FLOT1: variants seen among roughly 807,000 people sequenced by gnomAD.
The protein encoded by FLOT1 is flotillin 1.
A neutral mutation model predicts 58.4 loss-of-function variants in FLOT1; 40 were observed. The observed-to-expected ratio is 0.69, with a 90% CI of 0.53 to 0.89. The LOEUF (loss-of-function observed/expected upper bound fraction) is 0.89, where lower values mean the gene tolerates loss of function less well. Among genes scored for constraint, FLOT1 ranks in the 40% least tolerant of loss-of-function variants. The pLI, the probability that FLOT1 is intolerant of heterozygous loss-of-function variation, is 0.00. For missense variants in FLOT1, 423 were observed against 540.8 expected (o/e 0.78, Z 2.16); for synonymous variants, 178 against 204.2 (o/e 0.87, Z 1.09).
In FLOT1 at chr6:30,737,431, T is replaced by TGTATTTTTG. The variant is rs1326509592; in HGVS notation, c.723+2718_723+2726dup. Among the ~76,000 whole-genome samples the TGTATTTTTG allele has an allele frequency of 6.6e-6, 1 of 152,180 alleles. No individual in the cohort carries two copies. The highest frequency in any genetic ancestry group is 2.4e-5 in the African/African-American group (1 of 41,450). ...ACCACCACACCCGGCTAATATTTTT[T>TGTATTTTTG]GTATTTTTGGTAGAGACAGGGTTTC... On this transcript the variant is annotated intron_variant, in intron 8 of 12. Coordinates refer to ENST00000376389, the MANE Select transcript of FLOT1 (RefSeq NM_005803.4). This position sits in a 1 kb window ranked among gnomAD's most constrained non-coding sequence, Gnocchi z 4.4.
chr6:30,730,839 G>A (rs1369637894), intron 9 of FLOT1, 80 bp downstream of exon 9: 65 of 1,600,712 alleles, frequency 4.1e-5, no homozygotes, highest in Non-Finnish European at 4.3e-5. Flanking sequence ...TAGGAGTCCA[G>A]GTGGTGAAGG....
chr6:30,735,646 C>A (rs75676434), intron 8 of FLOT1, among the ~76,000 whole-genome samples: 11,202 of 151,806 alleles, frequency 0.074, 669 homozygotes, highest in African/African-American at 0.16. Flanking sequence ...TCAAAAAAAA[C>A]ATAAATAAAA....
chr6:30,740,834 GTTTTT>G (rs34375360), intron 5 of FLOT1, 36 bp from the exon 6 acceptor site: 1,696 of 1,308,644 alleles, frequency 1.3e-3, no homozygotes, highest in Middle Eastern at 2.5e-3. Context: ...AGGGATGTAA[GTTTTT>G]TTTTTTTTTT....
chr6:30,730,367 C>A (rs1462565368), intron 11 of FLOT1, 61 bp downstream of exon 11: 2 of 1,533,544 alleles, frequency 1.3e-6, no homozygotes, highest in South Asian at 1.3e-5. Context: ...CCTCACTACA[C>A]CCCACCCCTT....
At chr6:30,729,180 T>C (rs935972002) in intron 12 of FLOT1, among the ~76,000 whole-genome samples, 5 of 151,838 alleles carry the variant, frequency 3.3e-5, no homozygotes, top group African/African-American at 1.2e-4. Context: ...GTTCCAGCAA[T>C]TCTCCTGCCT....
Position 30,727,812 on chromosome 6 carries a change from A to C in FLOT1, c.*304T>G, listed in dbSNP as rs1280699064. On this transcript the variant is annotated 3_prime_UTR_variant, in exon 13 of 13. Transcript: ENST00000376389. ...CCATCCCTCAGTCTTGGTCAGGAAA[A>C]TATTCTAGACAACAGGCTCAAACAG... The C allele has an allele frequency of 7.4e-6, 4 of 538,642 alleles. No individual in the cohort carries two copies. The highest frequency in any genetic ancestry group is 1.3e-5 in the Non-Finnish European group (4 of 300,118). The allele number at this position is 538,642 out of a possible 1,614,324, so 33.4% of individuals were successfully genotyped here.
Position 30,740,201 on chromosome 6 carries a change from A to G in FLOT1, c.680T>C (p.Val227Ala). ...ELKKAAYDIE[V>A]NTRRAQADLA... Reference sequence around the variant, plus strand: ...GTCAGCCTGTGCTCGGCGGGTGTTGACCTCGATGTCATAGGCGGCCTTCTT... The same window carrying G: ...GTCAGCCTGTGCTCGGCGGGTGTTGGCCTCGATGTCATAGGCGGCCTTCTT... The change falls in exon 8 of 13, where the codon GTC (valine) becomes GCC (alanine). Residue 227 changes from valine to alanine, a missense_variant. Physicochemically the swap from Val to Ala is moderately conservative, Grantham distance 64 (BLOSUM62 0). Coordinates refer to ENST00000376389, the MANE Select transcript of FLOT1 (RefSeq NM_005803.4). 2 of 1,612,872 alleles carry G rather than the reference A, an allele frequency of 1.2e-6. No individual in the cohort carries two copies. The highest frequency in any genetic ancestry group is 1.7e-6 in the Non-Finnish European group (2 of 1,180,006).
At chr6:30,734,860 C>T (rs549192184) in intron 8 of FLOT1, among the ~76,000 whole-genome samples, 1 of 152,158 alleles carries the variant, frequency 6.6e-6, no homozygotes, top group Non-Finnish European at 1.5e-5. Context: ...GCTGGGATTA[C>T]AGTCACCATT....
At chr6:30,735,826 A>G (rs949124375) in intron 8 of FLOT1, among the ~76,000 whole-genome samples, 1 of 152,102 alleles carries the variant, frequency 6.6e-6, no homozygotes, top group Non-Finnish European at 1.5e-5. Context: ...GCCTCAGATC[A>G]TTTCATTGTT....
rs1383958947 is a variant in FLOT1, at chr6:30,737,211, TCCGTCCGTCCGTCCGTC to T, written c.723+2930_723+2946del. Among the ~76,000 whole-genome samples the T allele has an allele frequency of 7.6e-4, 58 of 76,224 alleles. No homozygotes were observed. The highest frequency in any genetic ancestry group is 6.8e-3 in the South Asian group (15 of 2,200). 50.0% of individuals were successfully genotyped at this position (76,224 alleles called of 152,430 possible). A position where few individuals can be genotyped will look rare whatever the true frequency, so the allele number is the denominator to read the frequency against. On this transcript the variant is annotated intron_variant, in intron 8 of 12. Transcript: ENST00000376389. This position sits in a 1 kb window ranked among gnomAD's most constrained non-coding sequence, Gnocchi z 4.4. ...TGACTGACTGACTGACTGTCTGTCG[TCCGTCCGTCCGTCCGTC>T]CGTCCGTCCGTCCGTCCGTCCATCC...
Position 30,730,713 on chromosome 6 carries a change from A to C in FLOT1, c.920T>G (p.Met307Arg), listed in dbSNP as rs750909604. 2.5e-6 allele frequency: 4 copies of C among 1,613,234 alleles called. No individual in the cohort carries two copies. The highest frequency in any genetic ancestry group is 3.4e-6 in the Non-Finnish European group (4 of 1,180,042). ...LAEAEKSQLIMQAEAEAASVR... is the reference protein window; with the variant it reads ...LAEAEKSQLIRQAEAEAASVR... Reference sequence around the variant, plus strand: ...AGACGCGGCTTCTGCCTCCGCCTGCATAATTAGTTGGGACCTGTGGACAGA... The same window carrying C: ...AGACGCGGCTTCTGCCTCCGCCTGCCTAATTAGTTGGGACCTGTGGACAGA... Residue 307 changes from methionine to arginine, a missense_variant, in exon 10 of 13, where the codon ATG becomes AGG. Coordinates refer to ENST00000376389, the MANE Select transcript of FLOT1 (RefSeq NM_005803.4).
chr6:30,731,704 C>T (rs769197762), intron 8 of FLOT1, among the ~76,000 whole-genome samples: 2 of 152,260 alleles, frequency 1.3e-5, no homozygotes, highest in Non-Finnish European at 1.5e-5. Context: ...ACTGTTGCTG[C>T]GATAACCTTA....
chr6:30,732,030 C>T (rs150116787), intron 8 of FLOT1, among the ~76,000 whole-genome samples: 6 of 152,230 alleles, frequency 3.9e-5, no homozygotes, highest in East Asian at 1.9e-4. Context: ...TGCAGTGGCA[C>T]GATCAGCTCA....
intron 8 of FLOT1, among the ~76,000 whole-genome samples, chr6:30,739,659 C>T (rs531123115): frequency 1.3e-5 from 2 of 151,750 alleles, no homozygotes; most frequent in East Asian, 1.9e-4. Flanking sequence ...TGAGCCACCG[C>T]GCGTGGCCTT....
In FLOT1 at chr6:30,737,218, G is replaced by GTCCA. The variant is rs1562188105; in HGVS notation, c.723+2939_723+2940insTGGA. On this transcript the variant is annotated intron_variant, in intron 8 of 12. Coordinates refer to ENST00000376389, the MANE Select transcript of FLOT1 (RefSeq NM_005803.4). This position sits in a 1 kb window ranked among gnomAD's most constrained non-coding sequence, Gnocchi z 4.4. Reference sequence around the variant, plus strand: ...CTGACTGACTGTCTGTCGTCCGTCCGTCCGTCCGTCCGTCCGTCCGTCCGT... The same window carrying GTCCA: ...CTGACTGACTGTCTGTCGTCCGTCCGTCCATCCGTCCGTCCGTCCGTCCGTCCGT... Among the ~76,000 whole-genome samples, 4 of 129,148 alleles carry GTCCA rather than the reference G, an allele frequency of 3.1e-5. No individual in the cohort carries two copies. The East Asian group carries it at 7.0e-4, about 22-fold the overall frequency. The allele number at this position is 129,148 out of a possible 152,430, so 84.7% of individuals were successfully genotyped here.
Position 30,742,324 on chromosome 6 carries a change from T to A in FLOT1, c.-14-121A>T, listed in dbSNP as rs754502485. ...GTCTGCATCCGCCACGGCCCGTCCC[T>A]TCTACACCCATGGGTCCGCTAAGGC... On this transcript the variant is annotated intron_variant, in intron 1 of 12. Coordinates refer to ENST00000376389, the MANE Select transcript of FLOT1 (RefSeq NM_005803.4). This position sits in a 1 kb window ranked among gnomAD's most constrained non-coding sequence, Gnocchi z 5.2. 1 of 804,026 alleles carries A rather than the reference T, an allele frequency of 1.2e-6. No homozygotes were observed. The highest frequency in any genetic ancestry group is 2.1e-6 in the Non-Finnish European group (1 of 466,744). 49.8% of individuals were successfully genotyped at this position (804,026 alleles called of 1,614,324 possible).
In FLOT1 at chr6:30,742,198, C is replaced by A. The variant is rs1778045096; in HGVS notation, c.-9G>T. On this transcript the variant is annotated 5_prime_UTR_variant, in exon 2 of 13. Coordinates refer to ENST00000376389, the MANE Select transcript of FLOT1 (RefSeq NM_005803.4). The surrounding 1 kb of genome is among the most constrained non-coding windows in gnomAD (Gnocchi z 5.2). ...CCACAAGTGAAAAACATGGTTCAGG[C>A]TGGAGCTGGAGGAGAGGGAGGGAAA... The A allele has an allele frequency of 6.2e-7, 1 of 1,612,918 alleles. No homozygotes were observed. Among genetic ancestry groups the A allele is most frequent in the South Asian group, 1.1e-5 (1 of 91,076 alleles).
At chr6:30,732,359 AT>A (rs1052372971) in intron 8 of FLOT1, among the ~76,000 whole-genome samples, 1 of 148,512 alleles carries the variant, frequency 6.7e-6, no homozygotes. Flanking sequence ...CAAGGAACAC[AT>A]TTTTTTTTTC....
At position 30,741,383 on chromosome 6, in the gene FLOT1, C is replaced by CA. The variant is rs768824937; in HGVS notation, c.211-51dup. 1 of 1,607,184 alleles carries CA rather than the reference C, an allele frequency of 6.2e-7. No individual in the cohort carries two copies. Among genetic ancestry groups the CA allele is most frequent in the East Asian group, 2.2e-5 (1 of 44,852 alleles). On this transcript the variant is annotated intron_variant, in intron 4 of 12. Transcript: ENST00000376389. The surrounding 1 kb of genome is among the most constrained non-coding windows in gnomAD (Gnocchi z 5.9). ...AGGTGTGGTGGGGGTCTCATGAAGT[C>CA]AGAGAAAAAGCAGAGAGAGAAGGGA...
Sources: allele counts gnomAD v4.1 joint callset (sites outside exome capture counted in the v4.1 genomes callset), GRCh38; gene constraint gnomAD v4.1.1; non-coding constraint Gnocchi (gnomAD v3.1); transcripts MANE v1.5; gene names NCBI Gene and HGNC (gene_info 2026-07-23, HGNC 2026-07-21).